ZFHX4: variants seen among roughly 807,000 people sequenced by gnomAD.
ZFHX4 encodes the protein zinc finger homeobox 4.
In ZFHX4, 56 loss-of-function variants were observed where a neutral mutation model predicts 267.6. The ratio of observed to expected loss-of-function variants is 0.21; its 90% CI spans 0.17 to 0.26. The LOEUF is 0.26. ZFHX4 is among the 10% of genes least tolerant of loss of function. The probability of loss-of-function intolerance (pLI) is 1.00; values close to 1 mark genes in which losing one functional copy is unlikely to be tolerated. For synonymous variants in ZFHX4, 1,778 were observed against 1,665.6 expected (o/e 1.07, Z -1.64); for missense variants, 4,332 against 4,420.0 (o/e 0.98, Z 0.56).
chr8:76,770,359 T>G (rs1459287646), intron 3 of ZFHX4, among the ~76,000 whole-genome samples: 1 of 152,112 alleles, frequency 6.6e-6, no homozygotes, highest in Non-Finnish European at 1.5e-5. Flanking sequence ...TTCCTATTGC[T>G]CTCCACTATA....
Position 76,704,108 on chromosome 8 carries a change from C to G in ZFHX4, c.20C>G (p.Pro7Arg). The change falls in exon 2 of 11, where the codon CCT (proline) becomes CGT (arginine). Residue 7 changes from proline (P) to arginine (R), a missense_variant. By Grantham distance (103) the Pro-to-Arg change is moderately radical. Transcript: ENST00000651372. ...ATTGCCATGGAAACCTGTGACTCCCCTCCTATCTCAAGGCAGGAAAATGGG... is the reference window on the plus strand; with the variant it reads ...ATTGCCATGGAAACCTGTGACTCCCGTCCTATCTCAAGGCAGGAAAATGGG... METCDSPPISRQENGQS... is the reference protein window; with the variant it reads METCDSRPISRQENGQS... The G allele has an allele frequency of 6.2e-7, 1 of 1,611,212 alleles. No individual in the cohort carries two copies. The highest frequency in any genetic ancestry group is 8.5e-7 in the Non-Finnish European group (1 of 1,178,354).
intron 4 of ZFHX4, among the ~76,000 whole-genome samples, chr8:76,815,568 C>T (rs1230826663): frequency 6.6e-6 from 1 of 152,092 alleles, no homozygotes; most frequent in South Asian, 2.1e-4. Flanking sequence ...GTGGCATGAT[C>T]GTGACTCACT....
At chr8:76,684,638 A>G (rs749568066) in intron 1 of ZFHX4, among the ~76,000 whole-genome samples, 4 of 152,250 alleles carry the variant, frequency 2.6e-5, no homozygotes, top group Non-Finnish European at 5.9e-5. Context: ...TGTGTAAGTC[A>G]AAGCAATAGC....
intron 4 of ZFHX4, among the ~76,000 whole-genome samples, chr8:76,806,934 G>C (rs984966233): frequency 6.6e-6 from 1 of 152,002 alleles, no homozygotes; most frequent in African/African-American, 2.4e-5. Flanking sequence ...TAAGCCAATT[G>C]TTACTACTCC....
intron 3 of ZFHX4, among the ~76,000 whole-genome samples, chr8:76,758,346 C>A (rs191739066): frequency 1.3e-5 from 2 of 151,888 alleles, no homozygotes; most frequent in Admixed American, 6.6e-5. Context: ...AAGAAACATG[C>A]GTAAATGCAT....
intron 3 of ZFHX4, among the ~76,000 whole-genome samples, chr8:76,714,650 T>C (rs914375402): frequency 6.6e-6 from 1 of 152,220 alleles, no homozygotes; most frequent in Admixed American, 6.5e-5. Flanking sequence ...ACACAGACGA[T>C]ATCTCAATTT....
At position 76,859,303 on chromosome 8, in the gene ZFHX4, T is replaced by A. The variant is rs1812809215; in HGVS notation, c.9379+3003T>A. Among the ~76,000 whole-genome samples the A allele has an allele frequency of 2.0e-5, 3 of 152,178 alleles. No individual in the cohort carries two copies. The South Asian group carries it at 6.2e-4, about 31-fold the overall frequency. On this transcript the variant is annotated intron_variant, in intron 10 of 10. Transcript: ENST00000651372. ...AAACAGTGGCCAGCCCTGTGTTCAG[T>A]ATCACTACCTACTATTGCTTTGCTC...
rs373316359 is a variant in ZFHX4, at chr8:76,852,653, C to T, written c.5732C>T (p.Ala1911Val). ...GGGGCCAGAGGAAATGCTGCCAAAG[C>T]GTTATTGGAAAACTTTGGTTTTGAA... ...ASGARGNAAK[A>V]LLENFGFELV... Residue 1911 changes from alanine to valine, a missense_variant, in exon 10 of 11, where the codon GCG (alanine) becomes GTG (valine). Physicochemically the swap from Ala to Val is moderately conservative, Grantham distance 64. Around this residue, in one of 7 missense-constraint regions of ZFHX4, gnomAD observed 1,371 missense variants for 1,423.1 expected, o/e 0.96. Transcript: ENST00000651372. 2.7e-5 allele frequency: 44 copies of T among 1,613,416 alleles called. No individual in the cohort carries two copies. Among genetic ancestry groups the T allele is most frequent in the Middle Eastern group, 1.6e-4 (1 of 6,082 alleles).
At chr8:76,780,286 A>G (rs1201899470) in intron 4 of ZFHX4, among the ~76,000 whole-genome samples, 2 of 152,232 alleles carry the variant, frequency 1.3e-5, no homozygotes, top group African/African-American at 4.8e-5. Context: ...ATCAAAGTAC[A>G]AAGCATCTGT....
intron 3 of ZFHX4, among the ~76,000 whole-genome samples, chr8:76,737,562 G>A (rs555947146): frequency 1.3e-5 from 2 of 152,240 alleles, no homozygotes; most frequent in African/African-American, 4.8e-5. Context: ...TATTTGTTGT[G>A]TGACATGGAG....
chr8:76,792,765 T>C (rs1810872045), intron 4 of ZFHX4, among the ~76,000 whole-genome samples: 1 of 152,184 alleles, frequency 6.6e-6, no homozygotes, highest in Non-Finnish European at 1.5e-5. Context: ...TAATTGCAGG[T>C]AAACATAGCC....
At chr8:76,816,843 G>A (rs187680009) in intron 4 of ZFHX4, among the ~76,000 whole-genome samples, 12 of 152,042 alleles carry the variant, frequency 7.9e-5, no homozygotes, top group South Asian at 4.2e-4. Flanking sequence ...TGATCTGCCC[G>A]CCTTGGCCTC....
rs1231695926 is a variant in ZFHX4, at chr8:76,863,743, A to G, written c.10029A>G (p.Lys3343=). 6.4e-7 allele frequency: 1 copy of G among 1,554,850 alleles called. No individual in the cohort carries two copies. The highest frequency in any genetic ancestry group is 2.4e-5 in the East Asian group (1 of 40,998). ...AGCAACAGCAAGAACAGCAGCAGAAACCAGTTCAGGCAAAGACATCCAAAG... is the reference window on the plus strand; with the variant it reads ...AGCAACAGCAAGAACAGCAGCAGAAGCCAGTTCAGGCAAAGACATCCAAAG... ...QQKQQQEQQQ[K]PVQAKTSKVE... is the part of the protein sequence containing the mutation. Residue 3343 remains lysine, a synonymous_variant, in exon 11 of 11, where the codon AAA becomes AAG. Coordinates refer to ENST00000651372, the MANE Select transcript of ZFHX4 (RefSeq NM_024721.5).
In ZFHX4 at chr8:76,705,663, C is replaced by T. The variant is rs537094874; in HGVS notation, c.1575C>T (p.Ser525=). 6.2e-6 allele frequency: 10 copies of T among 1,613,980 alleles called. No individual in the cohort carries two copies. The South Asian group carries it at 1.1e-4, about 18-fold the overall frequency. Residue 525 remains serine (S), a synonymous_variant, in exon 2 of 11, where the codon TCC becomes TCT. Coordinates refer to ENST00000651372, the MANE Select transcript of ZFHX4 (RefSeq NM_024721.5). ...LKFIEKGTSS[S]SATVSDDTEK... Reference sequence around the variant, plus strand: ...TTATTGAAAAGGGTACCTCGTCCTCCTCGGCGACTGTTTCTGATGACACAG... The same window carrying T: ...TTATTGAAAAGGGTACCTCGTCCTCTTCGGCGACTGTTTCTGATGACACAG...
rs767543431 is a variant in ZFHX4 at position 76,849,673 on chromosome 8, C to T, written c.3807C>T (p.His1269=). The change falls in exon 8 of 11, where the codon CAC becomes CAT. Residue 1269 remains histidine, a synonymous_variant. Transcript: ENST00000651372. ...MHLQLHLTHL[H]SVSPDCVEKL... ...TCCAACTGCATCTGACGCATTTGCACAGTGTGTCTCCAGACTGTGTGGAGA... is the reference window on the plus strand; with the variant it reads ...TCCAACTGCATCTGACGCATTTGCATAGTGTGTCTCCAGACTGTGTGGAGA... 1.7e-5 allele frequency: 27 copies of T among 1,613,902 alleles called. No homozygotes were observed. In the South Asian group the frequency reaches 2.9e-4, roughly 17 times the overall value.
chr8:76,769,544 G>T (rs1445841970), intron 3 of ZFHX4, among the ~76,000 whole-genome samples: 1 of 151,980 alleles, frequency 6.6e-6, no homozygotes, highest in Non-Finnish European at 1.5e-5. Context: ...AGATACAGGA[G>T]TTTGCCATAT....
chr8:76,835,282 A>T (rs1812064935), intron 5 of ZFHX4, among the ~76,000 whole-genome samples: 1 of 87,228 alleles, frequency 1.1e-5, no homozygotes, highest in African/African-American at 5.7e-5. Flanking sequence ...TTTGTTAAAA[A>T]TGGCAGTTAC....
intron 4 of ZFHX4, among the ~76,000 whole-genome samples, chr8:76,803,205 G>A (rs1407871959): frequency 2.2e-4 from 34 of 151,850 alleles, no homozygotes; most frequent in Admixed American, 2.2e-3. Flanking sequence ...TAAAAATCCA[G>A]CCTTTTCTTT....
At chr8:76,796,936 G>C (rs1810994019) in intron 4 of ZFHX4, among the ~76,000 whole-genome samples, 1 of 152,152 alleles carries the variant, frequency 6.6e-6, no homozygotes, top group East Asian at 1.9e-4. Flanking sequence ...AGGCTAAAAT[G>C]TCCAAGTATT....
Sources: allele counts gnomAD v4.1 joint callset (sites outside exome capture counted in the v4.1 genomes callset), GRCh38; gene constraint gnomAD v4.1.1; regional missense constraint gnomAD v4.1.1; transcripts MANE v1.5; gene names NCBI Gene and HGNC (gene_info 2026-07-23, HGNC 2026-07-21).